GTF3C1: variants seen among roughly 807,000 people sequenced by gnomAD.
GTF3C1 encodes the protein general transcription factor 3C polypeptide 1.
In GTF3C1, 57 loss-of-function variants were observed where a neutral mutation model predicts 226.7. The ratio of observed to expected loss-of-function variants is 0.25; its 90% CI spans 0.20 to 0.31. GTF3C1 has a LOEUF of 0.31. Ranked by LOEUF, GTF3C1 falls within the 10% of genes least tolerant of loss-of-function variation. The pLI, the probability that GTF3C1 is intolerant of heterozygous loss-of-function variation, is 1.00. For synonymous variants in GTF3C1, 1,090 were observed against 1,084.8 expected (o/e 1.00, Z -0.09); for missense variants, 2,217 against 2,776.1 (o/e 0.80, Z 4.53).
intron 20 of GTF3C1, 58 bp from the exon 21 acceptor site, chr16:27,489,236 G>A: frequency 1.3e-6 from 2 of 1,585,340 alleles, no homozygotes; most frequent in Non-Finnish European, 1.7e-6. Context: ...GAAAAAGAGA[G>A]CCCATGGCAT....
chr16:27,517,720 A>T (rs1596648492), intron 6 of GTF3C1, among the ~76,000 whole-genome samples: 1 of 152,246 alleles, frequency 6.6e-6, no homozygotes, highest in African/African-American at 2.4e-5. Context: ...GTGACTCCTT[A>T]AGGAGCACCT....
chr16:27,489,773 C>T (rs1349469915), intron 19 of GTF3C1, 30 bp from the exon 20 acceptor site: 1 of 1,601,054 alleles, frequency 6.2e-7, no homozygotes, highest in Non-Finnish European at 8.5e-7. Flanking sequence ...GGTGACCAAT[C>T]ACGCCTTCCT....
Position 27,462,377 on chromosome 16 carries a change from T to C in GTF3C1, c.6034A>G (p.Thr2012Ala), listed in dbSNP as rs1011570373. The part of the protein sequence containing the change: ...MMEAMLYHIM[T>A]RPGIPESSLL... Reference sequence around the variant, plus strand: ...GAGCTCTCGGGGATGCCAGGCCTGGTCATGATGTGGTACAGCATGGCCTCC... The same window carrying C: ...GAGCTCTCGGGGATGCCAGGCCTGGCCATGATGTGGTACAGCATGGCCTCC... The change falls in exon 36 of 37, where the codon ACC becomes GCC. Residue 2012 changes from threonine (T) to alanine (A), a missense_variant. This residue lies in a region of GTF3C1 where 153 missense variants were observed against 199.8 expected (regional missense o/e 0.77). Transcript: ENST00000356183. This position sits in a 1 kb window ranked among gnomAD's most constrained non-coding sequence, Gnocchi z 4.5. 1.2e-6 allele frequency: 2 copies of C among 1,602,716 alleles called. No individual in the cohort carries two copies. The highest frequency in any genetic ancestry group is 8.5e-7 in the Non-Finnish European group (1 of 1,174,568).
chr16:27,511,783 G>A lies in GTF3C1; in HGVS notation c.1092C>T (p.Phe364=), dbSNP rs142782053. ...AGGTCTGTGTGAGCATATCCCGCTC[G>A]AACACAATGTCCACTGGAGGCACTG... ...SKTVPPVDIV[F]ERDMLTQTYD... is the part of the protein sequence containing the mutation. Residue 364 remains phenylalanine (F), a synonymous_variant, in exon 7 of 37, where the codon TTC becomes TTT. Transcript: ENST00000356183. 331 of 1,614,132 alleles carry A rather than the reference G, an allele frequency of 2.1e-4. No homozygotes were observed. In the African/African-American group the frequency reaches 4.1e-3, roughly 20 times the overall value.
At chr16:27,523,454 A>G (rs2088782520) in intron 6 of GTF3C1, among the ~76,000 whole-genome samples, 1 of 152,074 alleles carries the variant, frequency 6.6e-6, no homozygotes. Flanking sequence ...TTATTATTTG[A>G]GCTTTGTCTC....
At position 27,461,452 on chromosome 16, in the gene GTF3C1, G is replaced by A. The variant is rs1212678193; in HGVS notation, c.6228C>T (p.Asp2076=). ...VEEVEVPSSL[D]ESPMAFYEPT... is the part of the protein sequence containing the mutation. ...GCTCATAGAAAGCCATGGGGCTCTC[G>A]TCCAGGCTGGAGGGCACTTCCACCT... Residue 2076 remains aspartate (D), a synonymous_variant, in exon 37 of 37, where the codon GAC becomes GAT. Coordinates refer to ENST00000356183, the MANE Select transcript of GTF3C1 (RefSeq NM_001520.4). The surrounding 1 kb of genome is among the most constrained non-coding windows in gnomAD (Gnocchi z 5.3). 10 of 1,613,584 alleles carry A rather than the reference G, an allele frequency of 6.2e-6. No homozygotes were observed. Among genetic ancestry groups the A allele is most frequent in the Middle Eastern group, 1.6e-4 (1 of 6,082 alleles).
chr16:27,533,451 G>A (rs2088952730), intron 4 of GTF3C1, 64 bp from the exon 5 acceptor site: 2 of 819,390 alleles, frequency 2.4e-6, no homozygotes, highest in Non-Finnish European at 4.3e-6. Context: ...TTTACTGCCT[G>A]TTTCTTAAAG....
At chr16:27,501,388 T>G (rs1181838599) in intron 11 of GTF3C1, 44 bp from the exon 12 acceptor site, 1 of 1,581,852 alleles carries the variant, frequency 6.3e-7, no homozygotes, top group Admixed American at 1.7e-5. Flanking sequence ...AATCTCAACA[T>G]GGAAGGCCTT....
At position 27,470,034 on chromosome 16, in the gene GTF3C1, G is replaced by T; in HGVS notation, c.4814+74C>A. On this transcript the variant is annotated intron_variant, in intron 31 of 36. Transcript: ENST00000356183. This position sits in a 1 kb window ranked among gnomAD's most constrained non-coding sequence, Gnocchi z 4.9. ...CCACAAGCTCCCAGAAGGCACTGCT[G>T]ACCCCTGCCCGTCTGTATCTGGCCA... 8.1e-7 allele frequency: 1 copy of T among 1,233,212 alleles called. No homozygotes were observed. The highest frequency in any genetic ancestry group is 1.2e-6 in the Non-Finnish European group (1 of 866,940). 76.4% of individuals were successfully genotyped at this position (1,233,212 alleles called of 1,614,324 possible). A position where few individuals can be genotyped will look rare whatever the true frequency, so the allele number is the denominator to read the frequency against.
intron 26 of GTF3C1, among the ~76,000 whole-genome samples, chr16:27,482,330 CT>C (rs1482025521): frequency 6.6e-6 from 1 of 152,152 alleles, no homozygotes; most frequent in African/African-American, 2.4e-5. Flanking sequence ...CTACCCTCAA[CT>C]GCTTGGCATT....
At chr16:27,487,886 A>T (rs2088167002) in intron 23 of GTF3C1, among the ~76,000 whole-genome samples, 1 of 152,210 alleles carries the variant, frequency 6.6e-6, no homozygotes, top group Admixed American at 6.5e-5. Context: ...AACTCCCCCA[A>T]AATTAGGATC....
In GTF3C1 at chr16:27,507,000, G is replaced by A; in HGVS notation, c.1399C>T (p.Leu467=). The change falls in exon 9 of 37, where the codon CTG becomes TTG. Residue 467 remains leucine (L), a synonymous_variant. Coordinates refer to ENST00000356183, the MANE Select transcript of GTF3C1 (RefSeq NM_001520.4). ...AGGAAGGTGTCCTCGCCTTCAGGCA[G>A]AAGCGACTCCTCCTGCATAGACGCC... The part of the protein sequence containing the change: ...SLASMQEESL[L]PEGEDTFLSE... The A allele has an allele frequency of 1.2e-6, 2 of 1,613,896 alleles. No homozygotes were observed. Among genetic ancestry groups the A allele is most frequent in the Non-Finnish European group, 1.7e-6 (2 of 1,179,948 alleles).
At chr16:27,481,328 GGTCACCTGTCATCT>G (rs1310001997) in intron 26 of GTF3C1, 137 bp from the exon 27 acceptor site, 10 of 691,796 alleles carry the variant, frequency 1.4e-5, no homozygotes, top group African/African-American at 7.1e-5. Context: ...TGCCTCCCCT[GGTCACCTGTCATCT>G]GTCACCTGTC....
chr16:27,470,655 C>T lies in GTF3C1; in HGVS notation c.4527-260G>A, dbSNP rs75531349. 437 of 475,016 alleles carry T rather than the reference C, an allele frequency of 9.2e-4. 2 individuals carry two copies. The East Asian group carries it at 0.015, about 16-fold the overall frequency. 29.4% of individuals were successfully genotyped at this position (475,016 alleles called of 1,614,324 possible). A position where few individuals can be genotyped will look rare whatever the true frequency, so the allele number is the denominator to read the frequency against. The stretch of plus-strand genomic sequence containing the variant: ...TCTAATTCAATGTGGCCTCACCTGG[C>T]GCTCCAGGAGGGCGCTGGCAGGCTC... On this transcript the variant is annotated intron_variant, in intron 30 of 36. Coordinates refer to ENST00000356183, the MANE Select transcript of GTF3C1 (RefSeq NM_001520.4). The surrounding 1 kb of genome is among the most constrained non-coding windows in gnomAD (Gnocchi z 4.9).
chr16:27,466,197 T>A (rs1259355765), intron 32 of GTF3C1: 1 of 152,398 alleles, frequency 6.6e-6, no homozygotes, highest in Non-Finnish European at 1.5e-5. Context: ...GTTTTTTACA[T>A]ACTGAAGGCT....
In GTF3C1 at chr16:27,501,348, G is replaced by C. The variant is rs753022807; in HGVS notation, c.1908-4C>G. On this transcript the variant is annotated splice_polypyrimidine_tract_variant and splice_region_variant and intron_variant, in intron 11 of 36. Transcript: ENST00000356183. ...ATCCATGATCATCTTCTGAATCCTGGGCATCACAAAATAAGCAGATAACAC... is the reference window on the plus strand; with the variant it reads ...ATCCATGATCATCTTCTGAATCCTGCGCATCACAAAATAAGCAGATAACAC... 1 of 1,613,684 alleles carries C rather than the reference G, an allele frequency of 6.2e-7. No homozygotes were observed. Among genetic ancestry groups the C allele is most frequent in the Non-Finnish European group, 8.5e-7 (1 of 1,179,814 alleles).
At chr16:27,529,400 C>G (rs906994792) in intron 5 of GTF3C1, among the ~76,000 whole-genome samples, 1 of 150,366 alleles carries the variant, frequency 6.7e-6, no homozygotes, top group African/African-American at 2.5e-5. Context: ...GAGATTGCAC[C>G]ACTGCACTCC....
rs183542584 is a variant in GTF3C1, at chr16:27,519,846, C to T, written c.974-7945G>A. On this transcript the variant is annotated intron_variant, in intron 6 of 36. Transcript: ENST00000356183. The stretch of plus-strand genomic sequence containing the variant: ...ACAAGGCTGGACATAGAGGCTCACG[C>T]CCATAATCCCAGCACTTTGGGAGGA... Among the ~76,000 whole-genome samples the T allele has an allele frequency of 2.6e-5, 4 of 152,314 alleles. No individual in the cohort carries two copies. In the East Asian group the frequency reaches 7.7e-4, roughly 29 times the overall value.
intron 32 of GTF3C1, among the ~76,000 whole-genome samples, chr16:27,466,580 G>A (rs543751486): frequency 2.6e-5 from 4 of 152,312 alleles, no homozygotes; most frequent in Admixed American, 2.6e-4. Flanking sequence ...GAAAGGAAGA[G>A]TTGGACATCT....
Sources: allele counts gnomAD v4.1 joint callset (sites outside exome capture counted in the v4.1 genomes callset), GRCh38; gene constraint gnomAD v4.1.1; regional missense constraint gnomAD v4.1.1; non-coding constraint Gnocchi (gnomAD v3.1); transcripts MANE v1.5; gene names NCBI Gene and HGNC (gene_info 2026-07-23, HGNC 2026-07-21).